PTPRD: variants seen among roughly 807,000 people sequenced by gnomAD.
PTPRD encodes the protein receptor-type tyrosine-protein phosphatase delta.
A neutral mutation model predicts 214.5 loss-of-function variants in PTPRD; 34 were observed. That is an observed-to-expected ratio of 0.16 (90% CI 0.12 to 0.21). The LOEUF is 0.21. Among genes scored for constraint, PTPRD ranks in the 10% least tolerant of loss-of-function variants. The pLI is 1.00. For synonymous variants in PTPRD, 1,128 were observed against 845.7 expected, an observed-to-expected ratio of 1.33 and a Z score of -5.79; for missense variants, 2,545 against 2,398.7, an observed-to-expected ratio of 1.06 and a Z score of -1.27.
At chr9:8,814,376 T>TGAAGGAAACAGAGGAGGGTGAGAAGG (rs2096877664) in intron 11 of PTPRD, among the ~76,000 whole-genome samples, 1 of 151,514 alleles carries the variant, frequency 6.6e-6, no homozygotes, top group Admixed American at 6.6e-5. Context: ...ACGCTTTAAG[T>TGAAGGAAACAGAGGAGGGTGAGAAGG]GAAGGAAACA....
Position 10,302,805 on chromosome 9 carries a change from A to G in PTPRD, c.-545+38158T>C, listed in dbSNP as rs368066710. Among the ~76,000 whole-genome samples, 4 of 152,336 alleles carry G rather than the reference A, an allele frequency of 2.6e-5. No homozygotes were observed. The South Asian group carries it at 6.2e-4, about 24-fold the overall frequency. On this transcript the variant is annotated intron_variant, in intron 3 of 45. Coordinates refer to ENST00000381196, the MANE Select transcript of PTPRD (RefSeq NM_002839.4). ...TGCAAAGAGACTTAGACGCCCACAC[A>G]ATAATAGTGGGAAACTGTAACACCC...
chr9:9,907,975 G>T (rs977142592), intron 5 of PTPRD, among the ~76,000 whole-genome samples: 1 of 151,862 alleles, frequency 6.6e-6, no homozygotes, highest in East Asian at 1.9e-4. Context: ...AATGTATCAT[G>T]TACCTGACCT....
intron 3 of PTPRD, among the ~76,000 whole-genome samples, chr9:10,237,752 G>C (rs543762044): frequency 1.3e-5 from 2 of 151,984 alleles, no homozygotes; most frequent in African/African-American, 4.8e-5. Context: ...ATAGTGAAGA[G>C]AAATAACACT....
chr9:8,428,414 A>G (rs1429045190), intron 35 of PTPRD, among the ~76,000 whole-genome samples: 1 of 152,062 alleles, frequency 6.6e-6, no homozygotes, highest in Non-Finnish European at 1.5e-5. Context: ...AAAATCGCTC[A>G]TTTTTCTCAT....
At chr9:10,353,318 T>C (rs189436069) in intron 2 of PTPRD, among the ~76,000 whole-genome samples, 6 of 152,076 alleles carry the variant, frequency 3.9e-5, no homozygotes, top group African/African-American at 1.4e-4. Context: ...AGGATAAGAA[T>C]GGAACCACTA....
intron 43 of PTPRD, among the ~76,000 whole-genome samples, chr9:8,335,029 A>C (rs1431275387): frequency 1.3e-5 from 2 of 152,132 alleles, no homozygotes; most frequent in African/African-American, 4.8e-5. Context: ...ATAGCCTAGC[A>C]ACCAAAAAAG....
At chr9:8,901,536 T>C (rs1225864838) in intron 11 of PTPRD, among the ~76,000 whole-genome samples, 5 of 152,172 alleles carry the variant, frequency 3.3e-5, no homozygotes, top group African/African-American at 1.2e-4. Context: ...GAAAAACAAA[T>C]GCAAAATGCT....
In PTPRD at chr9:9,099,017, T is replaced by C. The variant is rs1187859136; in HGVS notation, c.-142-80282A>G. On this transcript the variant is annotated intron_variant, in intron 10 of 45. Coordinates refer to ENST00000381196, the MANE Select transcript of PTPRD (RefSeq NM_002839.4). ...ATGTGGTCTGATAAAATTGAATGGGTAATTCTTGGAAACACAATATTGATT... is the reference window on the plus strand; with the variant it reads ...ATGTGGTCTGATAAAATTGAATGGGCAATTCTTGGAAACACAATATTGATT... Among the ~76,000 whole-genome samples the C allele has an allele frequency of 2.6e-5, 4 of 152,214 alleles. No individual in the cohort carries two copies. The East Asian group carries it at 7.7e-4, about 29-fold the overall frequency.
chr9:10,611,905 GC>G (rs71332762), intron 2 of PTPRD, among the ~76,000 whole-genome samples: 73,943 of 128,038 alleles, frequency 0.58, 20,346 homozygotes, highest in Middle Eastern at 0.71. Flanking sequence ...TCCCTTTTCC[GC>G]CCCCCCCCCC....
chr9:9,948,408 A>T (rs139874516), intron 4 of PTPRD, among the ~76,000 whole-genome samples: 1 of 152,216 alleles, frequency 6.6e-6, no homozygotes, highest in African/African-American at 2.4e-5. Flanking sequence ...TCCATTCCCA[A>T]TATCAAACAA....
intron 2 of PTPRD, among the ~76,000 whole-genome samples, chr9:10,486,789 T>TA (rs1368999540): frequency 1.1e-4 from 16 of 152,214 alleles, no homozygotes; most frequent in Non-Finnish European, 1.5e-4. Flanking sequence ...AGCCATTGGT[T>TA]AAAATGATCT....
intron 3 of PTPRD, among the ~76,000 whole-genome samples, chr9:10,085,738 G>A (rs2154193541): frequency 6.6e-6 from 1 of 151,836 alleles, no homozygotes; most frequent in Middle Eastern, 3.4e-3. Flanking sequence ...TATTTGCTTA[G>A]CAACAACTCC....
At chr9:9,008,764 T>C (rs1437170822) in intron 11 of PTPRD, among the ~76,000 whole-genome samples, 1 of 152,188 alleles carries the variant, frequency 6.6e-6, no homozygotes, top group Admixed American at 6.6e-5. Context: ...TACTGGGATT[T>C]GCTGGTAATA....
chr9:9,630,177 C>A (rs1176196000), intron 7 of PTPRD, among the ~76,000 whole-genome samples: 1 of 152,202 alleles, frequency 6.6e-6, no homozygotes, highest in Admixed American at 6.5e-5. Context: ...ACAGGACTTA[C>A]AAATGCTGAA....
intron 8 of PTPRD, among the ~76,000 whole-genome samples, chr9:9,456,176 T>C (rs150260012): frequency 1.2e-4 from 18 of 152,016 alleles, no homozygotes; most frequent in African/African-American, 3.9e-4. Context: ...CTGAGGCATG[T>C]TTAGTCACAT....
At chr9:9,747,412 T>A (rs1278845733) in intron 6 of PTPRD, among the ~76,000 whole-genome samples, 2 of 152,170 alleles carry the variant, frequency 1.3e-5, no homozygotes, top group Non-Finnish European at 2.9e-5. Context: ...CAATAGAGTG[T>A]GTGAGCCATG....
At chr9:10,130,279 G>C (rs2098851406) in intron 3 of PTPRD, among the ~76,000 whole-genome samples, 1 of 151,060 alleles carries the variant, frequency 6.6e-6, no homozygotes, top group South Asian at 2.1e-4. Context: ...TCCTACCTCA[G>C]TATCTATGAC....
Position 8,485,973 on chromosome 9 carries a change from A to G in PTPRD, c.2844T>C (p.Asn948=). The change falls in exon 28 of 46, where the codon AAT becomes AAC. Residue 948 remains asparagine (N), a synonymous_variant. Coordinates refer to ENST00000381196, the MANE Select transcript of PTPRD (RefSeq NM_002839.4). The part of the protein sequence containing the change: ...SWQPPVLAER[N]GIITKYTLLY... ...GAAGGGTATACTTGGTGATAATGCC[A>G]TTTCTCTCTGCCAGGACAGGTGGTT... The G allele has an allele frequency of 6.2e-7, 1 of 1,614,184 alleles. No homozygotes were observed. Among genetic ancestry groups the G allele is most frequent in the Non-Finnish European group, 8.5e-7 (1 of 1,180,030 alleles).
At chr9:9,170,954 C>A (rs745942123) in intron 10 of PTPRD, among the ~76,000 whole-genome samples, 2 of 152,102 alleles carry the variant, frequency 1.3e-5, no homozygotes, top group African/African-American at 4.8e-5. Flanking sequence ...TGCTTTCAAA[C>A]GAAGTGAAAC....
Sources: gnomAD v4.1 joint callset for allele counts (sites outside exome capture counted in the v4.1 genomes callset) on GRCh38, gnomAD v4.1.1 for gene constraint, MANE v1.5 for transcripts, NCBI Gene and HGNC (gene_info 2026-07-23, HGNC 2026-07-21) for gene names.